HECW2: variants seen among roughly 807,000 people sequenced by gnomAD.
The protein encoded by HECW2 is E3 ubiquitin-protein ligase HECW2.
HECW2 carries 61 observed loss-of-function variants against 175.2 expected under a neutral mutation model. That is an observed-to-expected ratio of 0.35 (90% CI 0.28 to 0.43). HECW2 has a LOEUF of 0.43. Ranked by LOEUF, HECW2 falls within the 20% of genes least tolerant of loss-of-function variation. HECW2 has a pLI of 1.00. For synonymous variants in HECW2, 671 were observed against 731.0 expected, an observed-to-expected ratio of 0.92 and a Z score of 1.32; for missense variants, 1,524 against 2,000.5, an observed-to-expected ratio of 0.76 and a Z score of 4.54.
At chr2:196,339,931 A>G (rs1692685231) in intron 3 of HECW2, among the ~76,000 whole-genome samples, 3 of 152,220 alleles carry the variant, frequency 2.0e-5, no homozygotes, top group African/African-American at 7.2e-5. Flanking sequence ...CCCTATAATG[A>G]AATAAATTTG....
chr2:196,437,298 T>C (rs577216258), intron 1 of HECW2, among the ~76,000 whole-genome samples: 27 of 151,904 alleles, frequency 1.8e-4, no homozygotes, highest in African/African-American at 6.3e-4. Flanking sequence ...CCGGTGAAGA[T>C]GAAGAGAATC....
At chr2:196,378,008 T>C (rs1694099300) in intron 2 of HECW2, among the ~76,000 whole-genome samples, 2 of 152,252 alleles carry the variant, frequency 1.3e-5, no homozygotes, top group Non-Finnish European at 1.5e-5. Flanking sequence ...CACTGTTAAA[T>C]CTGTGTTCAG....
chr2:196,196,680 T>G lies in HECW2; in HGVS notation c.*4597A>C, dbSNP rs1340531593. ...TGGGCATGGTGGTGCATGCCTGTAG[T>G]CCTAGCTACTCGGAGGCTGAGGTGG... On this transcript the variant is annotated 3_prime_UTR_variant, in exon 29 of 29. Coordinates refer to ENST00000644978, the MANE Select transcript of HECW2 (RefSeq NM_001348768.2). 6.6e-6 allele frequency: 1 copy of G among 152,546 alleles called. No individual in the cohort carries two copies. Among genetic ancestry groups the G allele is most frequent in the African/African-American group, 2.4e-5 (1 of 41,442 alleles). 9.4% of individuals were successfully genotyped at this position (152,546 alleles called of 1,614,324 possible). A position where few individuals can be genotyped will look rare whatever the true frequency, so the allele number is the denominator to read the frequency against.
At chr2:196,527,448 C>T (rs1688705879) in intron 1 of HECW2, among the ~76,000 whole-genome samples, 1 of 152,334 alleles carries the variant, frequency 6.6e-6, no homozygotes, top group African/African-American at 2.4e-5. Flanking sequence ...CTGCGTCGCT[C>T]ACGCTGGGAG....
At chr2:196,548,173 C>T (rs1394032109) in intron 1 of HECW2, among the ~76,000 whole-genome samples, 2 of 151,542 alleles carry the variant, frequency 1.3e-5, no homozygotes, top group African/African-American at 4.8e-5. Context: ...ACCAAAAATA[C>T]AAAAATAAGC....
chr2:196,480,047 T>TC (rs1686788603), intron 1 of HECW2, among the ~76,000 whole-genome samples: 1 of 151,996 alleles, frequency 6.6e-6, no homozygotes, highest in East Asian at 1.9e-4. Context: ...CCACTGCCAC[T>TC]CCCCCCAAAA....
intron 1 of HECW2, among the ~76,000 whole-genome samples, chr2:196,535,324 T>C (rs931225263): frequency 2.6e-5 from 4 of 152,198 alleles, no homozygotes; most frequent in East Asian, 3.8e-4. Context: ...GCTAGTTTTG[T>C]TATTCTTAAG....
chr2:196,488,629 T>TACACACACACACAC (rs139434140), intron 1 of HECW2, among the ~76,000 whole-genome samples: 2 of 147,082 alleles, frequency 1.4e-5, no homozygotes, highest in Admixed American at 6.8e-5. Context: ...GAAGAATGAA[T>TACACACACACACAC]ACACACACAC....
chr2:196,593,212 G>A (rs1357225289), intron 1 of HECW2, among the ~76,000 whole-genome samples: 1 of 151,508 alleles, frequency 6.6e-6, no homozygotes, highest in Non-Finnish European at 1.5e-5. Context: ...CGCGCGACCC[G>A]CCGATTGTGT....
intron 2 of HECW2, among the ~76,000 whole-genome samples, chr2:196,374,478 C>G (rs6434846): frequency 1 from 152,275 of 152,350 alleles, 76,100 homozygotes; most frequent in Non-Finnish European, 1. Flanking sequence ...AGAAAAGAAA[C>G]GCTTCATTGT....
At chr2:196,578,879 C>T (rs1016307127) in intron 1 of HECW2, among the ~76,000 whole-genome samples, 1 of 152,082 alleles carries the variant, frequency 6.6e-6, no homozygotes, top group Non-Finnish European at 1.5e-5. Flanking sequence ...ATAAAAACAA[C>T]ACCAAACATT....
chr2:196,363,694 T>C (rs1399461351), intron 2 of HECW2, among the ~76,000 whole-genome samples: 1 of 152,158 alleles, frequency 6.6e-6, no homozygotes, highest in Non-Finnish European at 1.5e-5. Flanking sequence ...CATGGTGGCA[T>C]GCACCTGTAG....
chr2:196,329,484 C>T, intron 5 of HECW2, 91 bp downstream of exon 5: 2 of 993,052 alleles, frequency 2.0e-6, no homozygotes, highest in South Asian at 2.7e-5. Flanking sequence ...ATCATCATAT[C>T]ATATACGAAA....
At chr2:196,549,232 T>C (rs13007703) in intron 1 of HECW2, among the ~76,000 whole-genome samples, 2 of 152,272 alleles carry the variant, frequency 1.3e-5, no homozygotes, top group African/African-American at 4.8e-5. Context: ...ATAACTGCAA[T>C]CCAGGTCAAA....
chr2:196,397,875 A>G (rs1694713224), intron 2 of HECW2, among the ~76,000 whole-genome samples: 1 of 152,178 alleles, frequency 6.6e-6, no homozygotes, highest in African/African-American at 2.4e-5. Context: ...TGCTTCATAT[A>G]CCCCATCCTC....
chr2:196,491,521 CACACAT>C lies in HECW2; in HGVS notation c.-35-58069_-35-58064del, dbSNP rs1201041476. Among the ~76,000 whole-genome samples, 288 of 149,576 alleles carry C rather than the reference CACACAT, an allele frequency of 1.9e-3. 2 individuals are homozygous for C. Among genetic ancestry groups the C allele is most frequent in the African/African-American group, 6.1e-3 (248 of 40,326 alleles). On this transcript the variant is annotated intron_variant, in intron 1 of 28. Transcript: ENST00000644978. ...ATATATACACACACACACACACACA[CACACAT>C]ATACACACATATATATGTATATATG...
In HECW2 at chr2:196,319,845, C is replaced by T; in HGVS notation, c.1045G>A (p.Gly349Ser). The change falls in exon 9 of 29, where the codon GGT (glycine) becomes AGT (serine). Residue 349 changes from glycine to serine, a missense_variant. Physicochemically the swap from Gly to Ser is moderately conservative, Grantham distance 56 (BLOSUM62 0). Transcript: ENST00000644978. The stretch of plus-strand genomic sequence containing the variant: ...ATGTCCTCGTCATCGGAAGGGCTAC[C>T]TAAGTCTCCATTCACAGAATTGACT... ...LGVNSVNGDL[G>S]SPSDDEDMPG... The T allele has an allele frequency of 6.2e-7, 1 of 1,614,018 alleles. No individual in the cohort carries two copies. The highest frequency in any genetic ancestry group is 8.5e-7 in the Non-Finnish European group (1 of 1,179,912).
intron 1 of HECW2, among the ~76,000 whole-genome samples, chr2:196,448,557 G>A (rs1696254112): frequency 6.6e-6 from 1 of 152,198 alleles, no homozygotes; most frequent in Admixed American, 6.5e-5. Flanking sequence ...TAAAATCAGT[G>A]CCATAAACAG....
intron 19 of HECW2, among the ~76,000 whole-genome samples, chr2:196,249,841 C>T (rs1688790138): frequency 6.6e-6 from 1 of 152,214 alleles, no homozygotes; most frequent in Non-Finnish European, 1.5e-5. Flanking sequence ...GGAGATGATT[C>T]TTCCTGAAAA....
Sources: gnomAD v4.1 joint callset for allele counts (sites outside exome capture counted in the v4.1 genomes callset) on GRCh38, gnomAD v4.1.1 for gene constraint, MANE v1.5 for transcripts, NCBI Gene and HGNC (gene_info 2026-07-23, HGNC 2026-07-21) for gene names.